The following PCDHA8 variants were observed in gnomAD, a reference collection of about 807,000 sequenced individuals.
The protein encoded by PCDHA8 is protocadherin alpha 8.
PCDHA8 carries 53 observed loss-of-function variants against 61.8 expected under a neutral mutation model. That is an observed-to-expected ratio of 0.86 (90% CI 0.69 to 1.08). The LOEUF is 1.08. PCDHA8 is among the 50% of genes least tolerant of loss of function. The pLI is 0.00. For synonymous variants in PCDHA8, 618 were observed against 556.6 expected, an observed-to-expected ratio of 1.11 and a Z score of -1.55; for missense variants, 1,293 against 1,245.0, an observed-to-expected ratio of 1.04 and a Z score of -0.58.
At chr5:140,867,347 T>C (rs1465501574) in intron 1 of PCDHA8, 1 of 152,144 alleles carries the variant, frequency 6.6e-6, no homozygotes, top group Non-Finnish European at 1.5e-5. Context: ...GAGGCTACTA[T>C]GATTGATTAT....
At chr5:140,946,801 G>C (rs2094030166) in intron 1 of PCDHA8, among the ~76,000 whole-genome samples, 1 of 151,430 alleles carries the variant, frequency 6.6e-6, no homozygotes, top group African/African-American at 2.4e-5. Flanking sequence ...TAGAAGCAGA[G>C]AGTATAACAG....
Position 140,851,473 on chromosome 5 carries a change from G to T in PCDHA8, c.2394+7758G>T. The stretch of plus-strand genomic sequence containing the variant: ...TAGGAATCAAATTATGTCAATAAAT[G>T]TTATAAACACAGCCTTCATTTCAAC... On this transcript the variant is annotated intron_variant, in intron 1 of 3. Coordinates refer to ENST00000531613, the MANE Select transcript of PCDHA8 (RefSeq NM_018911.3). 6.7e-6 allele frequency: 6 copies of T among 889,518 alleles called. 1 individual carries two copies. The highest frequency in any genetic ancestry group is 8.2e-6 in the Non-Finnish European group (6 of 729,154). 55.1% of individuals were successfully genotyped at this position (889,518 alleles called of 1,614,324 possible).
At chr5:140,923,839 A>G (rs2081544977) in intron 1 of PCDHA8, among the ~76,000 whole-genome samples, 1 of 152,236 alleles carries the variant, frequency 6.6e-6, no homozygotes, top group Non-Finnish European at 1.5e-5. Flanking sequence ...CAGTTTAAAT[A>G]GAGAAATGGG....
At chr5:140,876,143 G>A in intron 1 of PCDHA8, 1 of 1,613,870 alleles carries the variant, frequency 6.2e-7, no homozygotes, top group South Asian at 1.1e-5. Flanking sequence ...GAACTAACAG[G>A]GTCTGTCCAG....
chr5:140,909,494 G>A (rs1554193825), intron 1 of PCDHA8, among the ~76,000 whole-genome samples: 2 of 152,174 alleles, frequency 1.3e-5, no homozygotes, highest in African/African-American at 4.8e-5. Context: ...GAGCTGAACG[G>A]GGATGTGGTG....
chr5:140,934,523 C>T (rs782685676), intron 1 of PCDHA8, among the ~76,000 whole-genome samples: 15 of 152,236 alleles, frequency 9.9e-5, no homozygotes, highest in South Asian at 8.3e-4. Context: ...GACCACACTT[C>T]GAGAGCTACC....
At chr5:140,934,228 G>A (rs1238284158) in intron 1 of PCDHA8, among the ~76,000 whole-genome samples, 2 of 151,884 alleles carry the variant, frequency 1.3e-5, no homozygotes, top group African/African-American at 4.8e-5. Flanking sequence ...TAAAAGATTT[G>A]TACTTAATTG....
At chr5:140,850,274 G>A in intron 1 of PCDHA8, 1 of 1,595,442 alleles carries the variant, frequency 6.3e-7, no homozygotes, top group Non-Finnish European at 8.6e-7. Context: ...TGGTGGGGAA[G>A]GTGCGCGCAG....
intron 1 of PCDHA8, among the ~76,000 whole-genome samples, chr5:140,916,135 T>TG (rs1178819787): frequency 6.6e-6 from 1 of 152,126 alleles, no homozygotes; most frequent in Non-Finnish European, 1.5e-5. Flanking sequence ...GCTTAAGGGC[T>TG]GTTCAGTTGT....
intron 1 of PCDHA8, chr5:140,966,455 C>T (rs376758355): frequency 4.7e-6 from 2 of 426,810 alleles, no homozygotes; most frequent in East Asian, 3.5e-5. Flanking sequence ...CCCCCTCCCC[C>T]TCTGTCTTCC....
intron 1 of PCDHA8, chr5:140,853,127 C>A: frequency 1.7e-6 from 1 of 580,840 alleles, no homozygotes; most frequent in Non-Finnish European, 2.2e-6. Context: ...GATCCTCCCG[C>A]CTCAGCCTCC....
intron 1 of PCDHA8, chr5:140,882,806 T>A: frequency 6.2e-7 from 1 of 1,614,218 alleles, no homozygotes; most frequent in Non-Finnish European, 8.5e-7. Flanking sequence ...TTATTTCACT[T>A]TGGACGCACA....
At chr5:140,859,014 A>G (rs983768098) in intron 1 of PCDHA8, 1 of 151,370 alleles carries the variant, frequency 6.6e-6, no homozygotes, top group Non-Finnish European at 1.5e-5. Flanking sequence ...AATCTTAGCA[A>G]TTAAGTTAAA....
Position 140,927,380 on chromosome 5 carries a change from T to A in PCDHA8, c.2395-51569T>A, listed in dbSNP as rs1245076146. 1 of 1,614,198 alleles carries A rather than the reference T, an allele frequency of 6.2e-7. No individual in the cohort carries two copies. Among genetic ancestry groups the A allele is most frequent in the African/African-American group, 1.3e-5 (1 of 75,060 alleles). On this transcript the variant is annotated intron_variant, in intron 1 of 3. Transcript: ENST00000531613. ...AGCAATGGGATACTAAGCTACAGCCTAAGCCCCAGTCAGCACTTTCGCCTG... is the reference window on the plus strand; with the variant it reads ...AGCAATGGGATACTAAGCTACAGCCAAAGCCCCAGTCAGCACTTTCGCCTG...
At chr5:140,943,826 GA>G (rs1186583699) in intron 1 of PCDHA8, among the ~76,000 whole-genome samples, 5 of 152,198 alleles carry the variant, frequency 3.3e-5, no homozygotes, top group African/African-American at 1.2e-4. Flanking sequence ...AAAATGAGTT[GA>G]TTGAAGTTGT....
chr5:140,879,097 G>T (rs2057851255), intron 1 of PCDHA8, among the ~76,000 whole-genome samples: 1 of 152,214 alleles, frequency 6.6e-6, no homozygotes, highest in Non-Finnish European at 1.5e-5. Flanking sequence ...CAACTGCACA[G>T]TATATGGTGT....
intron 1 of PCDHA8, among the ~76,000 whole-genome samples, chr5:140,924,739 ACAAAAATTAACCGAG>A (rs2081980485): frequency 6.6e-6 from 1 of 151,884 alleles, no homozygotes; most frequent in Non-Finnish European, 1.5e-5. Flanking sequence ...TAATAAAAAT[ACAAAAATTAACCGAG>A]CATGGTGGTG....
chr5:140,928,921 C>A (rs782289381), intron 1 of PCDHA8: 1 of 1,614,116 alleles, frequency 6.2e-7, no homozygotes, highest in Non-Finnish European at 8.5e-7. Flanking sequence ...AGGAGGGCAG[C>A]TTTCTGCCCA....
chr5:140,848,857 T>C (rs2150422920), intron 1 of PCDHA8: 1 of 1,590,410 alleles, frequency 6.3e-7, no homozygotes, highest in Non-Finnish European at 8.6e-7. Context: ...CATGTGGACG[T>C]GGAGGTGAAG....
Sources: gnomAD v4.1 joint callset for allele counts (sites outside exome capture counted in the v4.1 genomes callset) on GRCh38, gnomAD v4.1.1 for gene constraint, MANE v1.5 for transcripts, NCBI Gene and HGNC (gene_info 2026-07-23, HGNC 2026-07-21) for gene names.